The following ANKRD31 variants were observed in gnomAD, a reference collection of about 807,000 sequenced individuals.
The protein encoded by ANKRD31 is ankyrin repeat domain 31, also known as ankyrin repeat domain-containing protein 31.
Under a neutral mutation model 186.0 loss-of-function variants are expected in ANKRD31, and 147 were observed. The observed-to-expected ratio is 0.79, with a 90% CI of 0.69 to 0.91. The LOEUF is 0.91. Ranked by LOEUF, ANKRD31 falls within the 40% of genes least tolerant of loss-of-function variation. ANKRD31 has a pLI of 0.00. For missense variants in ANKRD31, 1,986 were observed against 2,148.8 expected (o/e 0.92, Z 1.50); for synonymous variants, 673 against 736.4 (o/e 0.91, Z 1.39).
intron 17 of ANKRD31, among the ~76,000 whole-genome samples, chr5:75,129,768 A>G (rs1364913628): frequency 6.6e-6 from 1 of 152,230 alleles, no homozygotes; most frequent in Non-Finnish European, 1.5e-5. Context: ...TACCAGGTTC[A>G]TCTCACTGGG....
At chr5:75,236,057 T>C (rs538058562) in intron 1 of ANKRD31, among the ~76,000 whole-genome samples, 1 of 152,310 alleles carries the variant, frequency 6.6e-6, no homozygotes, top group East Asian at 1.9e-4. Context: ...CTTTTCCCTG[T>C]GTCTAGCACA....
intron 24 of ANKRD31, among the ~76,000 whole-genome samples, 200 bp from the exon 25 acceptor site, chr5:75,080,839 T>C (rs1277999922): frequency 8.5e-5 from 13 of 152,108 alleles, no homozygotes; most frequent in Admixed American, 2.0e-4. Context: ...AACAGTATTC[T>C]AAAAAGTATG....
intron 20 of ANKRD31, among the ~76,000 whole-genome samples, chr5:75,110,513 C>G (rs1747688545): frequency 6.6e-6 from 1 of 151,730 alleles, no homozygotes; most frequent in Non-Finnish European, 1.5e-5. Flanking sequence ...AGATCGAGAC[C>G]ATCCTGACCA....
At chr5:75,143,979 A>G (rs1751240693) in intron 15 of ANKRD31, 22 bp downstream of exon 15, 2 of 396,778 alleles carry the variant, frequency 5.0e-6, no homozygotes, top group Admixed American at 4.4e-5. Flanking sequence ...ACTTTAACCT[A>G]TACAATTATA....
At chr5:75,171,591 C>T (rs962892328) in intron 10 of ANKRD31, among the ~76,000 whole-genome samples, 23 of 149,316 alleles carry the variant, frequency 1.5e-4, no homozygotes, top group African/African-American at 5.4e-4. Context: ...AAGTAGAAGG[C>T]AGAAAAAGAA....
At chr5:75,206,243 A>G in intron 5 of ANKRD31, among the ~76,000 whole-genome samples, 168 bp downstream of exon 5, 1 of 9,718 alleles carries the variant, frequency 1.0e-4, no homozygotes, top group Non-Finnish European at 1.5e-4. Flanking sequence ...AAAAAAAAAA[A>G]AAAAAATATA....
At chr5:75,219,936 T>C (rs1757182214) in intron 3 of ANKRD31, among the ~76,000 whole-genome samples, 1 of 152,198 alleles carries the variant, frequency 6.6e-6, no homozygotes, top group Admixed American at 6.5e-5. Context: ...TGGCTAGCTA[T>C]ATACAGAAGG....
At chr5:75,174,652 G>C (rs1753630083) in intron 10 of ANKRD31, among the ~76,000 whole-genome samples, 1 of 152,220 alleles carries the variant, frequency 6.6e-6, no homozygotes, top group Non-Finnish European at 1.5e-5. Flanking sequence ...CTGATCATCA[G>C]AGAAATGCAA....
rs566441691 is a variant in ANKRD31, at chr5:75,088,747, T to G, written c.5472+2514A>C. Among the ~76,000 whole-genome samples the G allele has an allele frequency of 2.0e-4, 30 of 152,350 alleles. 1 individual carries two copies. The Middle Eastern group carries it at 0.02, about 104-fold the overall frequency. On this transcript the variant is annotated intron_variant, in intron 23 of 25. Transcript: ENST00000506364. ...TTGAGGCTAAATCAGGTCACTTAAC[T>G]TCCCAAACCTTTGTTTTCATATCCA...
chr5:75,121,199 A>AGAGG (rs1404130503), intron 17 of ANKRD31, among the ~76,000 whole-genome samples: 1 of 151,642 alleles, frequency 6.6e-6, no homozygotes, highest in East Asian at 1.9e-4. Context: ...AAAAAAAGAT[A>AGAGG]GAGGGGTGGA....
intron 10 of ANKRD31, among the ~76,000 whole-genome samples, chr5:75,187,005 G>C (rs1393843035): frequency 6.7e-6 from 1 of 148,622 alleles, no homozygotes; most frequent in Non-Finnish European, 1.5e-5. Context: ...GTGAGTGTGT[G>C]TGTGTATGAG....
At chr5:75,125,491 C>T (rs1243813662) in intron 17 of ANKRD31, among the ~76,000 whole-genome samples, 2 of 152,098 alleles carry the variant, frequency 1.3e-5, no homozygotes, top group Non-Finnish European at 2.9e-5. Context: ...AGGCCTTAAT[C>T]TGCAGAAATT....
chr5:75,157,557 G>T (rs531662388), intron 11 of ANKRD31, among the ~76,000 whole-genome samples: 10 of 152,296 alleles, frequency 6.6e-5, no homozygotes, highest in South Asian at 2.1e-4. Context: ...TGTAGAGAAG[G>T]CCAAGGGCAT....
chr5:75,162,578 CT>C (rs1752642860), intron 11 of ANKRD31, among the ~76,000 whole-genome samples: 1 of 152,094 alleles, frequency 6.6e-6, no homozygotes. Context: ...CATCATTGGT[CT>C]TGAAATGTGA....
intron 22 of ANKRD31, among the ~76,000 whole-genome samples, chr5:75,094,191 C>T (rs1313043207): frequency 6.6e-6 from 1 of 152,032 alleles, no homozygotes; most frequent in African/African-American, 2.4e-5. Context: ...CACATGGTAA[C>T]TCAAATCTAC....
chr5:75,146,421 G>T lies in ANKRD31; in HGVS notation c.2990C>A (p.Ser997Tyr), dbSNP rs1443256808. ...ANYEQCIFGP[S>Y]FDHSNGNPEQ... is the part of the protein sequence containing the mutation. ...AGGATTGCCATTTGAGTGATCAAAA[G>T]AAGGTCCAAATATGCATTGTTCATA... is the stretch of plus-strand genomic sequence containing the variant. The change falls in exon 14 of 26, where the codon TCT becomes TAT. Residue 997 changes from serine to tyrosine, a missense_variant. By Grantham distance (144) the Ser-to-Tyr change is moderately radical. Coordinates refer to ENST00000506364, the MANE Select transcript of ANKRD31 (RefSeq NM_001372053.1). 2.6e-6 allele frequency: 4 copies of T among 1,536,512 alleles called. No homozygotes were observed. Among genetic ancestry groups the T allele is most frequent in the Non-Finnish European group, 3.5e-6 (4 of 1,146,474 alleles).
At chr5:75,095,835 AG>A in intron 22 of ANKRD31, among the ~76,000 whole-genome samples, 1 of 152,328 alleles carries the variant, frequency 6.6e-6, no homozygotes, top group Non-Finnish European at 1.5e-5. Context: ...CAGTATATAC[AG>A]GGTTCGGGAC....
chr5:75,093,927 G>A (rs1291140382), intron 22 of ANKRD31, among the ~76,000 whole-genome samples: 1 of 152,144 alleles, frequency 6.6e-6, no homozygotes, highest in Non-Finnish European at 1.5e-5. Context: ...GAAAGCCAAT[G>A]ACCCTATAGG....
intron 3 of ANKRD31, among the ~76,000 whole-genome samples, chr5:75,217,344 G>A (rs1757020938): frequency 6.6e-6 from 1 of 152,140 alleles, no homozygotes; most frequent in South Asian, 2.1e-4. Flanking sequence ...GTATTATGGT[G>A]TGGGAGTCCA....
Sources: allele counts gnomAD v4.1 joint callset (sites outside exome capture counted in the v4.1 genomes callset), GRCh38; gene constraint gnomAD v4.1.1; transcripts MANE v1.5; gene names NCBI Gene and HGNC (gene_info 2026-07-23, HGNC 2026-07-21).